Variants in TMPRSS3 observed in about 807,000 individuals in gnomAD.
The protein encoded by TMPRSS3 is transmembrane protease serine 3.
In TMPRSS3, 55 loss-of-function variants were observed where a neutral mutation model predicts 59.6. That is an observed-to-expected ratio of 0.92 (90% CI 0.74 to 1.16). The LOEUF (loss-of-function observed/expected upper bound fraction) is 1.16, where lower values mean the gene tolerates loss of function less well. TMPRSS3 is among the 50% of genes most tolerant of loss of function. The probability of loss-of-function intolerance (pLI) is 0.00; values close to 1 mark genes in which losing one functional copy is unlikely to be tolerated. For missense variants in TMPRSS3, 596 were observed against 579.4 expected (o/e 1.03, Z -0.29); for synonymous variants, 257 against 237.7 (o/e 1.08, Z -0.75).
rs565348874 is a variant in TMPRSS3 at position 42,375,757 on chromosome 21, G to T, written c.1303C>A (p.Arg435Ser). The T allele has an allele frequency of 1.2e-6, 2 of 1,613,612 alleles. No homozygotes were observed. The highest frequency in any genetic ancestry group is 1.3e-5 in the African/African-American group (1 of 74,898). ...AEVNKPGVYT[R>S]VTSFLDWIHE... Reference sequence around the variant, plus strand: ...ATCCAGTCCAGGAAGGAGGTGACACGGGTGTACACCCCAGGCTTGTTCACC... The same window carrying T: ...ATCCAGTCCAGGAAGGAGGTGACACTGGTGTACACCCCAGGCTTGTTCACC... The change falls in exon 12 of 13, where the codon CGT (arginine) becomes AGT (serine). Residue 435 changes from arginine (R) to serine (S), a missense_variant. Transcript: ENST00000644384.
At chr21:42,385,257 A>G (rs1231024345) in intron 6 of TMPRSS3, 152 bp downstream of exon 6, 2 of 1,007,444 alleles carry the variant, frequency 2.0e-6, no homozygotes, top group East Asian at 2.4e-5. Flanking sequence ...AGCCTGGCGC[A>G]TCCACCAGTC....
chr21:42,394,405 A>C (rs1216195571), intron 2 of TMPRSS3, among the ~76,000 whole-genome samples: 3 of 152,304 alleles, frequency 2.0e-5, no homozygotes, highest in East Asian at 3.9e-4. Context: ...TGTGCATGAA[A>C]CCACACATAC....
intron 12 of TMPRSS3, among the ~76,000 whole-genome samples, chr21:42,373,635 C>A (rs993036730): frequency 7.9e-5 from 12 of 152,220 alleles, no homozygotes; most frequent in Non-Finnish European, 1.8e-4. Context: ...GCTTCTGCAC[C>A]CCTAAGTTTG....
intron 9 of TMPRSS3, among the ~76,000 whole-genome samples, chr21:42,381,535 A>G (rs944440218): frequency 2.6e-5 from 4 of 152,190 alleles, no homozygotes; most frequent in Non-Finnish European, 4.4e-5. Context: ...CTTTGTCCCT[A>G]CAGATGGATG....
rs1454143143 is a variant in TMPRSS3, at chr21:42,382,195, T to C, written c.822A>G (p.Leu274=). 4 of 1,614,022 alleles carry C rather than the reference T, an allele frequency of 2.5e-6. No homozygotes were observed. Among genetic ancestry groups the C allele is most frequent in the Non-Finnish European group, 3.4e-6 (4 of 1,180,012 alleles). Residue 274 remains leucine (L), a synonymous_variant, in exon 9 of 13, where the codon CTA becomes CTG. Transcript: ENST00000644384. ...GGGCTGGATTGTCCAACAGGGAAAC[T>C]AGACCCACCTGGATGGTCCATGACT... ...LPKSWTIQVG[L]VSLLDNPAPS...
rs3082133 is a variant in TMPRSS3 at position 42,378,870 on chromosome 21, T to TTTTGTTTG, written c.1048+1239_1048+1246dup. Among the ~76,000 whole-genome samples, 392 of 148,584 alleles carry TTTTGTTTG rather than the reference T, an allele frequency of 2.6e-3. 1 individual carries two copies. Among genetic ancestry groups the TTTTGTTTG allele is most frequent in the Admixed American group, 4.7e-3 (69 of 14,828 alleles). ...GCTGGGACCACCATGTCAGGCTAAT[T>TTTTGTTTG]TTTGTTTGTTTGTTTGTTTGTTTGT... On this transcript the variant is annotated intron_variant, in intron 10 of 12. Coordinates refer to ENST00000644384, the MANE Select transcript of TMPRSS3 (RefSeq NM_001256317.3).
intron 12 of TMPRSS3, among the ~76,000 whole-genome samples, chr21:42,375,442 G>A (rs1359651573): frequency 6.6e-6 from 1 of 150,510 alleles, no homozygotes; most frequent in African/African-American, 2.5e-5. Context: ...CCTCCTCGCT[G>A]CCTCCTCCTT....
chr21:42,391,883 G>A (rs1364894026), intron 2 of TMPRSS3, among the ~76,000 whole-genome samples: 2 of 152,240 alleles, frequency 1.3e-5, no homozygotes, highest in Non-Finnish European at 2.9e-5. Context: ...GAAACAATAT[G>A]TAAGGAGTGT....
chr21:42,394,133 A>G (rs2052768309), intron 2 of TMPRSS3, among the ~76,000 whole-genome samples: 1 of 152,186 alleles, frequency 6.6e-6, no homozygotes, highest in Non-Finnish European at 1.5e-5. Flanking sequence ...TGAACAATAC[A>G]TTACTCTATT....
At chr21:42,394,562 C>G (rs1239830262) in intron 2 of TMPRSS3, among the ~76,000 whole-genome samples, 5 of 152,204 alleles carry the variant, frequency 3.3e-5, no homozygotes, top group Admixed American at 6.5e-5. Context: ...TACTTGAAAC[C>G]TCTTCTCCCA....
In TMPRSS3 at chr21:42,380,189, G is replaced by T; in HGVS notation, c.976C>A (p.Pro326Thr). 1 of 1,614,090 alleles carries T rather than the reference G, an allele frequency of 6.2e-7. No individual in the cohort carries two copies. The highest frequency in any genetic ancestry group is 8.5e-7 in the Non-Finnish European group (1 of 1,179,984). The change falls in exon 10 of 13, where the codon CCC becomes ACC. Residue 326 changes from proline (P) to threonine (T), a missense_variant. Pro to Thr is a conservative substitution (Grantham distance 38, BLOSUM62 -1). Coordinates refer to ENST00000644384, the MANE Select transcript of TMPRSS3 (RefSeq NM_001256317.3). ...FNEMIQPVCL[P>T]NSEENFPDGK... ...TCGGGGAAGTTCTCTTCAGAGTTGG[G>T]CAGGCACACAGGCTGGATCATTTCT...
chr21:42,395,392 A>G lies in TMPRSS3; in HGVS notation c.26T>C (p.Val9Ala), dbSNP rs2146461719. ...CGATCGGAATGAGAAGGGGGCTTCAACAGCAGGCGGATCATTTTCCCCCAT... is the reference window on the plus strand; with the variant it reads ...CGATCGGAATGAGAAGGGGGCTTCAGCAGCAGGCGGATCATTTTCCCCCAT... MGENDPPA[V>A]EAPFSFRSLF... The change falls in exon 2 of 13, where the codon GTT (valine) becomes GCT (alanine). Residue 9 changes from valine to alanine, a missense_variant. Physicochemically the swap from Val to Ala is moderately conservative, Grantham distance 64 (BLOSUM62 0). Coordinates refer to ENST00000644384, the MANE Select transcript of TMPRSS3 (RefSeq NM_001256317.3). The G allele has an allele frequency of 1.2e-6, 2 of 1,614,214 alleles. No homozygotes were observed. Among genetic ancestry groups the G allele is most frequent in the Non-Finnish European group, 1.7e-6 (2 of 1,180,028 alleles).
At chr21:42,378,870 T>TTTTG (rs3082133) in intron 10 of TMPRSS3, among the ~76,000 whole-genome samples, 47,824 of 148,456 alleles carry the variant, frequency 0.32, 9,446 homozygotes, top group Non-Finnish European at 0.42. Context: ...TCAGGCTAAT[T>TTTTG]TTTGTTTGTT....
chr21:42,392,189 C>T (rs1490016189), intron 2 of TMPRSS3, among the ~76,000 whole-genome samples: 2 of 152,180 alleles, frequency 1.3e-5, no homozygotes, highest in African/African-American at 4.8e-5. Context: ...AAAGATCTTT[C>T]CCTGCCTGAC....
intron 9 of TMPRSS3, chr21:42,381,852 A>G (rs941361741): frequency 5.6e-6 from 4 of 710,390 alleles, no homozygotes; most frequent in African/African-American, 5.3e-5. Context: ...GATACAATTG[A>G]AAATCACTTG....
In TMPRSS3 at chr21:42,388,335, T is replaced by C. The variant is rs756916585; in HGVS notation, c.446+68A>G. 1.2e-6 allele frequency: 2 copies of C among 1,609,030 alleles called. No individual in the cohort carries two copies. Among genetic ancestry groups the C allele is most frequent in the Non-Finnish European group, 1.7e-6 (2 of 1,175,524 alleles). On this transcript the variant is annotated intron_variant, in intron 5 of 12. Transcript: ENST00000644384. The surrounding 1 kb of genome is among the most constrained non-coding windows in gnomAD (Gnocchi z 5.1). ...CACCCAATAGTGCCCAACTAAATGG[T>C]AGTTGTCTTTCTTTATTGTTATCCT... is the stretch of plus-strand genomic sequence containing the variant.
In TMPRSS3 at chr21:42,378,015, G is replaced by C. The variant is rs751141776; in HGVS notation, c.1049-1332C>G. Among the ~76,000 whole-genome samples, 133 of 152,242 alleles carry C rather than the reference G, an allele frequency of 8.7e-4. 1 individual carries two copies. The highest frequency in any genetic ancestry group is 2.1e-4 in the Non-Finnish European group (14 of 68,042). ...TCAGAATGACTCTGGTGGGCTGGTT[G>C]GTCCGGAATGAGAGCCCACCATGAG... On this transcript the variant is annotated intron_variant, in intron 10 of 12. Transcript: ENST00000644384.
rs771007562 is a variant in TMPRSS3, at chr21:42,380,216, C to T, written c.953-4G>A. The T allele has an allele frequency of 1.2e-6, 2 of 1,611,456 alleles. No individual in the cohort carries two copies. The highest frequency in any genetic ancestry group is 1.3e-5 in the African/African-American group (1 of 74,856). ...AGGCACACAGGCTGGATCATTTCTGCTTGAAGGGAAACAATAGTTCACAAC... is the reference window on the plus strand; with the variant it reads ...AGGCACACAGGCTGGATCATTTCTGTTTGAAGGGAAACAATAGTTCACAAC... On this transcript the variant is annotated splice_region_variant and splice_polypyrimidine_tract_variant and intron_variant, in intron 9 of 12. Coordinates refer to ENST00000644384, the MANE Select transcript of TMPRSS3 (RefSeq NM_001256317.3).
chr21:42,380,071 G>A (rs1362432216), intron 10 of TMPRSS3, 46 bp downstream of exon 10: 12 of 1,522,076 alleles, frequency 7.9e-6, no homozygotes, highest in African/African-American at 1.4e-5. Flanking sequence ...GCAGCCCTCT[G>A]GGTTCTGAGC....
Sources: gnomAD v4.1 joint callset for allele counts (sites outside exome capture counted in the v4.1 genomes callset) on GRCh38, gnomAD v4.1.1 for gene constraint, Gnocchi (gnomAD v3.1) non-coding constraint, MANE v1.5 for transcripts, NCBI Gene and HGNC (gene_info 2026-07-23, HGNC 2026-07-21) for gene names.